Variants in CKAP2 observed in about 807,000 individuals in gnomAD.
CKAP2 encodes the protein cytoskeleton associated protein 2.
In CKAP2, 46 loss-of-function variants were observed where a neutral mutation model predicts 58.4. The ratio of observed to expected loss-of-function variants is 0.79; its 90% confidence interval spans 0.62 to 1.01. The LOEUF is 1.01. CKAP2 is among the 50% of genes least tolerant of loss of function. The pLI is 0.00. For synonymous variants in CKAP2, 293 were observed against 280.9 expected (o/e 1.04, Z -0.43); for missense variants, 809 against 796.4 (o/e 1.02, Z -0.19).
chr13:52,455,862 C>A, intron 1 of CKAP2: 1 of 920,356 alleles, frequency 1.1e-6, no homozygotes, highest in Non-Finnish European at 1.4e-6. Context: ...ATGGGCCCTC[C>A]TAAGAAGGAA....
chr13:52,466,038 T>C (rs1017865291), intron 6 of CKAP2, among the ~76,000 whole-genome samples: 24 of 151,510 alleles, frequency 1.6e-4, no homozygotes, highest in African/African-American at 5.9e-4. Context: ...TATACACATA[T>C]ATACACACAC....
At chr13:52,465,546 CTTG>C in intron 6 of CKAP2, 81 bp downstream of exon 6, 1 of 1,291,346 alleles carries the variant, frequency 7.7e-7, no homozygotes, top group Non-Finnish European at 1.1e-6. Flanking sequence ...CACAACATAA[CTTG>C]AGAAAATTTT....
intron 6 of CKAP2, among the ~76,000 whole-genome samples, chr13:52,467,797 T>TTTTTTG (rs1345499100): frequency 1.3e-5 from 2 of 151,926 alleles, no homozygotes; most frequent in Non-Finnish European, 2.9e-5. Flanking sequence ...CGTTTTTGGT[T>TTTTTTG]TTTTTGTTTT....
At chr13:52,467,538 C>T (rs1348096340) in intron 6 of CKAP2, among the ~76,000 whole-genome samples, 1 of 151,924 alleles carries the variant, frequency 6.6e-6, no homozygotes, top group Non-Finnish European at 1.5e-5. Flanking sequence ...TGAAACTCTG[C>T]CTCTACTAAA....
rs1958829900 is a variant in CKAP2, at chr13:52,476,405, GTGAA to G, written c.*1270_*1273del. ...TTTTATGAAATGCAGTTTAACCACAGTGAATGAATTTTAGCTTTGCTTTTGAAAT... is the reference window on the plus strand; with the variant it reads ...TTTTATGAAATGCAGTTTAACCACAGTGAATTTTAGCTTTGCTTTTGAAAT... On this transcript the variant is annotated 3_prime_UTR_variant, in exon 9 of 9. Transcript: ENST00000258607. 1.3e-5 allele frequency: 2 copies of G among 152,202 alleles called. No individual in the cohort carries two copies. The highest frequency in any genetic ancestry group is 2.1e-4 in the South Asian group (1 of 4,834). The allele number at this position is 152,202 out of a possible 1,614,324, so 9.4% of individuals were successfully genotyped here.
At chr13:52,474,564 T>C (rs1419119681) in intron 8 of CKAP2, among the ~76,000 whole-genome samples, 1 of 152,212 alleles carries the variant, frequency 6.6e-6, no homozygotes, top group Non-Finnish European at 1.5e-5. Context: ...AAATACTGTA[T>C]TTACTTTCCC....
chr13:52,459,447 A>G (rs1246289677), intron 2 of CKAP2, among the ~76,000 whole-genome samples: 1 of 151,914 alleles, frequency 6.6e-6, no homozygotes, highest in East Asian at 1.9e-4. Context: ...CTCAGCCTCC[A>G]GGGTAGCTGG....
At position 52,475,225 on chromosome 13, in the gene CKAP2, C is replaced by T; in HGVS notation, c.*84C>T. On this transcript the variant is annotated 3_prime_UTR_variant, in exon 9 of 9. Transcript: ENST00000258607. The stretch of plus-strand genomic sequence containing the variant: ...GAGTAGCTTTATATTGCTCTTAGGT[C>T]TGGAGTTGGCCATGTACCTATGTAT... The T allele has an allele frequency of 6.6e-7, 1 of 1,511,160 alleles. No homozygotes were observed. 93.6% of individuals were successfully genotyped at this position (1,511,160 alleles called of 1,614,324 possible).
intron 4 of CKAP2, 29 bp downstream of exon 4, chr13:52,461,955 T>G (rs1958592275): frequency 6.5e-7 from 1 of 1,528,216 alleles, no homozygotes; most frequent in African/African-American, 1.4e-5. Context: ...CTTTATTACA[T>G]TAGTTTTCAA....
intron 5 of CKAP2, among the ~76,000 whole-genome samples, chr13:52,464,295 G>A (rs1339929380): frequency 1.3e-5 from 2 of 152,160 alleles, no homozygotes; most frequent in East Asian, 3.9e-4. Flanking sequence ...GCTCACGCCT[G>A]TAATCCCAGC....
At chr13:52,459,272 ATTAT>A (rs1448032360) in intron 2 of CKAP2, among the ~76,000 whole-genome samples, 4 of 152,140 alleles carry the variant, frequency 2.6e-5, no homozygotes, top group Non-Finnish European at 4.4e-5. Context: ...TGTAAGCAAA[ATTAT>A]TAACTACTAA....
chr13:52,462,078 C>T, intron 4 of CKAP2, 152 bp downstream of exon 4: 1 of 796,620 alleles, frequency 1.3e-6, no homozygotes, highest in South Asian at 2.4e-5. Context: ...ACAATATGAC[C>T]TAAAAGTTTT....
chr13:52,457,570 T>G (rs1958506947), intron 2 of CKAP2, among the ~76,000 whole-genome samples: 1 of 152,112 alleles, frequency 6.6e-6, no homozygotes, highest in South Asian at 2.1e-4. Flanking sequence ...CCTTACAGGC[T>G]TAGGCTGGGT....
intron 2 of CKAP2, among the ~76,000 whole-genome samples, chr13:52,457,637 G>A (rs1466228919): frequency 2.0e-5 from 3 of 152,074 alleles, no homozygotes; most frequent in Admixed American, 6.6e-5. Context: ...GGCAGATCAC[G>A]AGGTCAGGAG....
chr13:52,460,275 A>G (rs1439188645), intron 2 of CKAP2, among the ~76,000 whole-genome samples: 2 of 152,202 alleles, frequency 1.3e-5, no homozygotes, highest in Non-Finnish European at 2.9e-5. Flanking sequence ...TACATCTGTT[A>G]CTAAGTACTT....
intron 5 of CKAP2, among the ~76,000 whole-genome samples, chr13:52,464,534 CAA>C (rs1958633270): frequency 1.2e-5 from 1 of 82,746 alleles, no homozygotes; most frequent in Non-Finnish European, 2.2e-5. Flanking sequence ...GCCTGGGCAA[CAA>C]GAGCAAAACT....
chr13:52,474,985 A>G lies in CKAP2; in HGVS notation c.1893A>G (p.Gln631=). The change falls in exon 9 of 9, where the codon CAA becomes CAG. Residue 631 remains glutamine (Q), a synonymous_variant. Transcript: ENST00000258607. The part of the protein sequence containing the change: ...LTPVRRSRRL[Q]EKTSKLPDML... Reference sequence around the variant, plus strand: ...CAGTGAGACGTTCTCGACGTCTTCAAGAGAAAACTTCTAAATTGCCAGATA... The same window carrying G: ...CAGTGAGACGTTCTCGACGTCTTCAGGAGAAAACTTCTAAATTGCCAGATA... 4 of 1,614,222 alleles carry G rather than the reference A, an allele frequency of 2.5e-6. No homozygotes were observed. Among genetic ancestry groups the G allele is most frequent in the Non-Finnish European group, 3.4e-6 (4 of 1,180,024 alleles).
rs1260678684 is a variant in CKAP2 at position 52,474,059 on chromosome 13, G to A, written c.1777G>A (p.Val593Met). Residue 593 changes from valine to methionine, a missense_variant, in exon 8 of 9, where the codon GTG becomes ATG. By Grantham distance (21) the Val-to-Met change is conservative. Transcript: ENST00000258607. ...GACAAGTTGCTTAATTAAATATAAT[G>A]TGTCTACTACGCCATACTTGCAAAG... ...TRTSCLIKYN[V>M]STTPYLQSVK... 1.2e-6 allele frequency: 2 copies of A among 1,613,744 alleles called. No individual in the cohort carries two copies. Among genetic ancestry groups the A allele is most frequent in the East Asian group, 4.5e-5 (2 of 44,858 alleles).
intron 1 of CKAP2, 83 bp downstream of exon 1, chr13:52,455,709 C>G (rs1308644377): frequency 1.5e-6 from 2 of 1,348,328 alleles, no homozygotes; most frequent in Non-Finnish European, 1.9e-6. Context: ...CGGGGCCGCG[C>G]TGGCGCGCTT....
Sources: gnomAD v4.1 joint callset for allele counts (sites outside exome capture counted in the v4.1 genomes callset) on GRCh38, gnomAD v4.1.1 for gene constraint, MANE v1.5 for transcripts, NCBI Gene and HGNC (gene_info 2026-07-23, HGNC 2026-07-21) for gene names.